SERTAD2: variants seen among roughly 807,000 people sequenced by gnomAD.
SERTAD2 encodes the protein SERTA domain-containing protein 2.
SERTAD2 carries 2 observed loss-of-function variants against 15.4 expected under a neutral mutation model. The observed-to-expected ratio is 0.13, with a 90% CI of 0.05 to 0.41. The LOEUF (loss-of-function observed/expected upper bound fraction) is 0.41, where lower values mean the gene tolerates loss of function less well. SERTAD2 is among the 10% of genes least tolerant of loss of function. The pLI is 0.99. For synonymous variants in SERTAD2, 180 were observed against 178.0 expected (o/e 1.01, Z -0.09); for missense variants, 333 against 409.7 (o/e 0.81, Z 1.62).
At position 64,633,349 on chromosome 2, in the gene SERTAD2, G is replaced by A. The variant is rs1674578624; in HGVS notation, c.*2578C>T. On this transcript the variant is annotated 3_prime_UTR_variant, in exon 2 of 2. Transcript: ENST00000313349. Reference sequence around the variant, plus strand: ...CAGCCTTACAAATACATAAGAGTCAGAGAACCAAGTTTGGGCAACACTTCT... The same window carrying A: ...CAGCCTTACAAATACATAAGAGTCAAAGAACCAAGTTTGGGCAACACTTCT... 6.6e-6 allele frequency: 1 copy of A among 152,190 alleles called. No homozygotes were observed. Among genetic ancestry groups the A allele is most frequent in the South Asian group, 2.1e-4 (1 of 4,834 alleles). The allele number at this position is 152,190 out of a possible 1,614,324, so 9.4% of individuals were successfully genotyped here.
chr2:64,635,107 A>C lies in SERTAD2; in HGVS notation c.*820T>G, dbSNP rs1290700813. The stretch of plus-strand genomic sequence containing the variant: ...TGTGATATCACCTGGCCCTTTCTTA[A>C]AGCACTGTGTGTGTGTTTATGGGTG... On this transcript the variant is annotated 3_prime_UTR_variant, in exon 2 of 2. Transcript: ENST00000313349. 2.0e-5 allele frequency: 3 copies of C among 152,602 alleles called. No homozygotes were observed. The highest frequency in any genetic ancestry group is 4.4e-5 in the Non-Finnish European group (3 of 68,038). 9.5% of individuals were successfully genotyped at this position (152,602 alleles called of 1,614,324 possible).
chr2:64,651,990 A>AC (rs1395065185), intron 1 of SERTAD2, among the ~76,000 whole-genome samples: 7 of 141,216 alleles, frequency 5.0e-5, no homozygotes, highest in Non-Finnish European at 1.1e-4. Context: ...TGAAACAAGT[A>AC]AAAAAAAAAA....
chr2:64,652,433 GTCTCTA>G (rs1167516955), intron 1 of SERTAD2, among the ~76,000 whole-genome samples: 2 of 152,186 alleles, frequency 1.3e-5, no homozygotes, highest in Non-Finnish European at 2.9e-5. Context: ...TCAGGGACTA[GTCTCTA>G]ACTACAAAAA....
chr2:64,640,626 G>A (rs564616100), intron 1 of SERTAD2, among the ~76,000 whole-genome samples: 5 of 152,090 alleles, frequency 3.3e-5, no homozygotes, highest in Admixed American at 1.3e-4. Context: ...TCTAGGGAGG[G>A]GGTGCTGTGG....
Position 64,635,434 on chromosome 2 carries a change from G to T in SERTAD2, c.*493C>A, listed in dbSNP as rs1211039368. ...GCCATGTAAATGCAACACTTACGAGGAGTAGTTAATGCCTCTAAAAAGGCC... is the reference window on the plus strand; with the variant it reads ...GCCATGTAAATGCAACACTTACGAGTAGTAGTTAATGCCTCTAAAAAGGCC... On this transcript the variant is annotated 3_prime_UTR_variant, in exon 2 of 2. Coordinates refer to ENST00000313349, the MANE Select transcript of SERTAD2 (RefSeq NM_014755.3). 3.3e-5 allele frequency: 5 copies of T among 153,194 alleles called. No homozygotes were observed. The highest frequency in any genetic ancestry group is 3.3e-4 in the Admixed American group (5 of 15,374). The allele number at this position is 153,194 out of a possible 1,614,324, so 9.5% of individuals were successfully genotyped here. A position where few individuals can be genotyped will look rare whatever the true frequency, so the allele number is the denominator to read the frequency against.
chr2:64,636,160 G>A lies in SERTAD2; in HGVS notation c.712C>T (p.Leu238=). 6.2e-7 allele frequency: 1 copy of A among 1,614,192 alleles called. No individual in the cohort carries two copies. The highest frequency in any genetic ancestry group is 8.5e-7 in the Non-Finnish European group (1 of 1,180,036). Reference sequence around the variant, plus strand: ...ATGTCATCCAGGGTCAAGTCTGTCAGGAAACCCGTGGACGTCGTTATTTCA... The same window carrying A: ...ATGTCATCCAGGGTCAAGTCTGTCAAGAAACCCGTGGACGTCGTTATTTCA... ...NFEITTSTGF[L]TDLTLDDILF... is the part of the protein sequence containing the mutation. Residue 238 remains leucine (L), a synonymous_variant, in exon 2 of 2, where the codon CTG becomes TTG. Transcript: ENST00000313349.
At chr2:64,649,279 A>G (rs1299722423) in intron 1 of SERTAD2, among the ~76,000 whole-genome samples, 1 of 152,250 alleles carries the variant, frequency 6.6e-6, no homozygotes. Flanking sequence ...GCTGCAGTGC[A>G]TGGCGTGGAA....
chr2:64,643,055 A>G (rs1674810116), intron 1 of SERTAD2, among the ~76,000 whole-genome samples: 1 of 152,204 alleles, frequency 6.6e-6, no homozygotes, highest in Admixed American at 6.5e-5. Flanking sequence ...TCTTGTGACC[A>G]AAAAGGAATC....
intron 1 of SERTAD2, 143 bp downstream of exon 1, chr2:64,653,477 G>A (rs1675059421): frequency 6.6e-6 from 1 of 151,724 alleles, no homozygotes; most frequent in African/African-American, 2.4e-5. Flanking sequence ...CTCCGTCCCC[G>A]GCTCCCTCCC....
intron 1 of SERTAD2, among the ~76,000 whole-genome samples, chr2:64,649,831 C>T (rs1674973151): frequency 1.3e-5 from 2 of 152,202 alleles, no homozygotes; most frequent in South Asian, 4.1e-4. Flanking sequence ...CCCACGCCTC[C>T]GCATAGCTCA....
intron 1 of SERTAD2, among the ~76,000 whole-genome samples, chr2:64,641,760 G>A (rs140886649): frequency 7.4e-4 from 113 of 152,284 alleles, no homozygotes; most frequent in African/African-American, 2.5e-3. Flanking sequence ...GATCAGGGTC[G>A]CGCAATGCAC....
chr2:64,635,835 G>T lies in SERTAD2; in HGVS notation c.*92C>A. The stretch of plus-strand genomic sequence containing the variant: ...AAAATTTTCTTTTTCTCTGAAAAAG[G>T]CAAGCAAGGGTGCATGCACAGTGTG... On this transcript the variant is annotated 3_prime_UTR_variant, in exon 2 of 2. Transcript: ENST00000313349. 9.6e-7 allele frequency: 1 copy of T among 1,038,890 alleles called. No homozygotes were observed. Among genetic ancestry groups the T allele is most frequent in the Non-Finnish European group, 1.4e-6 (1 of 699,852 alleles). 64.4% of individuals were successfully genotyped at this position (1,038,890 alleles called of 1,614,324 possible). A position where few individuals can be genotyped will look rare whatever the true frequency, so the allele number is the denominator to read the frequency against.
At chr2:64,638,552 T>G (rs1262824205) in intron 1 of SERTAD2, among the ~76,000 whole-genome samples, 1 of 152,216 alleles carries the variant, frequency 6.6e-6, no homozygotes, top group African/African-American at 2.4e-5. Context: ...CCGTCTTACC[T>G]CATGTCTCAT....
chr2:64,651,840 G>T (rs562203318), intron 1 of SERTAD2, among the ~76,000 whole-genome samples: 1 of 152,188 alleles, frequency 6.6e-6, no homozygotes, highest in Admixed American at 6.5e-5. Flanking sequence ...TTTACAAAAT[G>T]TGAGTCCTCT....
rs751878681 is a variant in SERTAD2 at position 64,636,833 on chromosome 2, A to C, written c.39T>G (p.His13Gln). The C allele has an allele frequency of 6.8e-6, 11 of 1,613,956 alleles. No homozygotes were observed. The South Asian group carries it at 1.2e-4, about 18-fold the overall frequency. ...GKGGKRKFDE[H>Q]EDGLEGKIVS... ...CGATTTTGCCTTCCAGCCCATCTTC[A>C]TGCTCATCAAACTTCCGTTTTCCTC... Residue 13 changes from histidine to glutamine, a missense_variant, in exon 2 of 2, where the codon CAT becomes CAG. His to Gln is a conservative substitution (Grantham distance 24). This residue lies in a region of SERTAD2 where 332 missense variants were observed against 392.9 expected (regional missense o/e 0.84). Transcript: ENST00000313349.
chr2:64,646,937 C>A (rs1477902556), intron 1 of SERTAD2, among the ~76,000 whole-genome samples: 2 of 152,212 alleles, frequency 1.3e-5, no homozygotes, highest in African/African-American at 2.4e-5. Context: ...ATAAATTCGG[C>A]ACTAAGCTTT....
chr2:64,641,283 G>A (rs530136249), intron 1 of SERTAD2, among the ~76,000 whole-genome samples: 1 of 152,186 alleles, frequency 6.6e-6, no homozygotes, highest in Admixed American at 6.5e-5. Context: ...AGAGGACCAG[G>A]AGCCTGAATG....
At chr2:64,639,647 A>C (rs1486887230) in intron 1 of SERTAD2, among the ~76,000 whole-genome samples, 1 of 152,258 alleles carries the variant, frequency 6.6e-6, no homozygotes, top group Non-Finnish European at 1.5e-5. Flanking sequence ...TACTAGAACA[A>C]ACAACAGGGC....
chr2:64,645,921 C>G (rs1674891183), intron 1 of SERTAD2, among the ~76,000 whole-genome samples: 1 of 145,614 alleles, frequency 6.9e-6, no homozygotes, highest in East Asian at 2.0e-4. Flanking sequence ...AGGATTCTGG[C>G]TAAAAGTATG....
Sources: gnomAD v4.1 joint callset for allele counts (sites outside exome capture counted in the v4.1 genomes callset) on GRCh38, gnomAD v4.1.1 for gene constraint, gnomAD v4.1.1 regional missense constraint, MANE v1.5 for transcripts, NCBI Gene and HGNC (gene_info 2026-07-23, HGNC 2026-07-21) for gene names.